The following CCDC92 variants were observed in gnomAD, a reference collection of about 807,000 sequenced individuals.
CCDC92 encodes the protein coiled-coil domain containing 92.
In CCDC92, 12 loss-of-function variants were observed where a neutral mutation model predicts 24.9. That is an observed-to-expected ratio of 0.48 (90% CI 0.31 to 0.78). The LOEUF is 0.78. Ranked by LOEUF, CCDC92 falls within the 30% of genes least tolerant of loss-of-function variation. The pLI, the probability that CCDC92 is intolerant of heterozygous loss-of-function variation, is 0.05. For synonymous variants in CCDC92, 193 were observed against 196.3 expected (o/e 0.98, Z 0.14); for missense variants, 399 against 439.4 (o/e 0.91, Z 0.82).
chr12:123,968,508 C>T (rs895964584), intron 1 of CCDC92: 1 of 152,058 alleles, frequency 6.6e-6, no homozygotes, highest in Non-Finnish European at 1.5e-5. Context: ...AAAAAATAAA[C>T]ACTTTTAAAG....
intron 1 of CCDC92, among the ~76,000 whole-genome samples, chr12:123,950,330 A>T (rs565598144): frequency 6.6e-6 from 1 of 152,302 alleles, no homozygotes; most frequent in South Asian, 2.1e-4. Context: ...GCACAGGGCC[A>T]GGCCGTCAGA....
rs1423573883 is a variant in CCDC92 at position 123,937,663 on chromosome 12, G to A, written c.391C>T (p.Leu131=). ...NTIKEREKKY[L]EELKAKSHKL... is the part of the protein sequence containing the mutation. ...TGACTCTTGGCCTTCAGCTCCTCCAGGTACTTCTTCTCTCGCTCCTTGATG... is the reference window on the plus strand; with the variant it reads ...TGACTCTTGGCCTTCAGCTCCTCCAAGTACTTCTTCTCTCGCTCCTTGATG... The change falls in exon 5 of 5, where the codon CTG becomes TTG. Residue 131 remains leucine (L), a synonymous_variant. Transcript: ENST00000238156. The surrounding 1 kb of genome is among the most constrained non-coding windows in gnomAD (Gnocchi z 8.4). 1.9e-6 allele frequency: 3 copies of A among 1,613,914 alleles called. No individual in the cohort carries two copies. The highest frequency in any genetic ancestry group is 2.5e-6 in the Non-Finnish European group (3 of 1,180,048).
At chr12:123,951,155 C>T (rs1011022740) in intron 1 of CCDC92, among the ~76,000 whole-genome samples, 8 of 152,224 alleles carry the variant, frequency 5.3e-5, no homozygotes, top group African/African-American at 1.4e-4. Flanking sequence ...GCATTACATA[C>T]GTGCTGCAGA....
rs1566140446 is a variant in CCDC92, at chr12:123,937,287, T to G, written c.767A>C (p.His256Pro). The stretch of plus-strand genomic sequence containing the variant: ...GACGAGGGGCCTCTCTTTGATGAGG[T>G]GGACCTCGGCGGACTCCCTAGCCAG... ...FLLARESAEV[H>P]LIKERPLVIP... Residue 256 changes from histidine (H) to proline (P), a missense_variant, in exon 5 of 5, where the codon CAC becomes CCC. By Grantham distance (77) the His-to-Pro change is moderately conservative. Transcript: ENST00000238156. The surrounding 1 kb of genome is among the most constrained non-coding windows in gnomAD (Gnocchi z 8.4). The G allele has an allele frequency of 6.2e-7, 1 of 1,612,842 alleles. No individual in the cohort carries two copies. The highest frequency in any genetic ancestry group is 8.5e-7 in the Non-Finnish European group (1 of 1,179,982).
At chr12:123,952,111 G>C (rs1956040227) in intron 1 of CCDC92, among the ~76,000 whole-genome samples, 1 of 152,160 alleles carries the variant, frequency 6.6e-6, no homozygotes, top group Admixed American at 6.5e-5. Context: ...AGTGCTAAAA[G>C]CAACCAGGAC....
At chr12:123,969,237 T>A (rs2138229911) in intron 1 of CCDC92, among the ~76,000 whole-genome samples, 1 of 152,306 alleles carries the variant, frequency 6.6e-6, no homozygotes, top group East Asian at 1.9e-4. Context: ...CCCCTAAGCT[T>A]TTCGGCTTGC....
intron 1 of CCDC92, chr12:123,961,336 G>A (rs1956267693): frequency 6.6e-6 from 1 of 152,226 alleles, no homozygotes; most frequent in East Asian, 1.9e-4. Flanking sequence ...GAGTGAAAAA[G>A]GTTTTACTCT....
chr12:123,961,717 G>T (rs1168054300), intron 1 of CCDC92, among the ~76,000 whole-genome samples: 1 of 152,208 alleles, frequency 6.6e-6, no homozygotes, highest in South Asian at 2.1e-4. Context: ...CAGAGGAGAA[G>T]AATCAACATG....
Position 123,936,964 on chromosome 12 carries a change from T to G in CCDC92, c.*94A>C, listed in dbSNP as rs894928191. 5 of 1,410,520 alleles carry G rather than the reference T, an allele frequency of 3.5e-6. No individual in the cohort carries two copies. Among genetic ancestry groups the G allele is most frequent in the Non-Finnish European group, 4.9e-6 (5 of 1,022,290 alleles). The allele number at this position is 1,410,520 out of a possible 1,614,324, so 87.4% of individuals were successfully genotyped here. ...ATGGGTCGGTAGGTGTGAAAAGTGT[T>G]TGGCATGCATGGGATTAAACAGAAA... On this transcript the variant is annotated 3_prime_UTR_variant, in exon 5 of 5. Transcript: ENST00000238156.
chr12:123,964,466 AG>A (rs1282618800), intron 1 of CCDC92, among the ~76,000 whole-genome samples: 4 of 152,224 alleles, frequency 2.6e-5, no homozygotes, highest in African/African-American at 9.6e-5. Flanking sequence ...AGCATCTTTA[AG>A]CAGCTTTGAG....
rs368325953 is a variant in CCDC92, at chr12:123,937,122, G to A, written c.932C>T (p.Ala311Val). The A allele has an allele frequency of 1.1e-5, 18 of 1,613,352 alleles. No homozygotes were observed. The highest frequency in any genetic ancestry group is 1.4e-5 in the Non-Finnish European group (17 of 1,180,026). The stretch of plus-strand genomic sequence containing the variant: ...CTTGCCTCCGTTCACCTGGTCGACC[G>A]CCAGGGTCTTCACCTCGGGCTGGGC... The part of the protein sequence containing the change: ...PQAQPEVKTL[A>V]VDQVNGGKVV... The change falls in exon 5 of 5, where the codon GCG becomes GTG. Residue 311 changes from alanine to valine, a missense_variant. By Grantham distance (64) the Ala-to-Val change is moderately conservative. Transcript: ENST00000238156. This position sits in a 1 kb window ranked among gnomAD's most constrained non-coding sequence, Gnocchi z 8.4.
chr12:123,960,107 T>G (rs1332443857), intron 1 of CCDC92, among the ~76,000 whole-genome samples: 1 of 152,256 alleles, frequency 6.6e-6, no homozygotes, highest in Non-Finnish European at 1.5e-5. Context: ...CTTACTAGCA[T>G]GTAAACTCCA....
chr12:123,970,916 A>G (rs1415699575), intron 1 of CCDC92, among the ~76,000 whole-genome samples: 2 of 152,254 alleles, frequency 1.3e-5, no homozygotes, highest in Admixed American at 6.5e-5. Flanking sequence ...GTTGAGATCA[A>G]TTTATCCAAA....
intron 1 of CCDC92, among the ~76,000 whole-genome samples, chr12:123,965,533 C>T (rs1956372800): frequency 6.6e-6 from 1 of 152,188 alleles, no homozygotes; most frequent in South Asian, 2.1e-4. Context: ...CCTCATGTAA[C>T]CCATGTTGGG....
intron 1 of CCDC92, among the ~76,000 whole-genome samples, chr12:123,949,033 A>G (rs1055944525): frequency 1.3e-5 from 2 of 152,194 alleles, no homozygotes; most frequent in African/African-American, 4.8e-5. Context: ...GTTGGTCCCA[A>G]GAGGCTTAAT....
At chr12:123,971,008 T>C (rs1008593499) in intron 1 of CCDC92, among the ~76,000 whole-genome samples, 1 of 152,206 alleles carries the variant, frequency 6.6e-6, no homozygotes, top group Non-Finnish European at 1.5e-5. Context: ...AAACCCAAGA[T>C]GAATGATTCG....
chr12:123,945,573 G>A (rs1023377290), intron 1 of CCDC92: 10 of 152,260 alleles, frequency 6.6e-5, no homozygotes, highest in African/African-American at 2.4e-4. Context: ...ACGCTTGAAA[G>A]CGGAACAGCC....
At chr12:123,961,879 C>T (rs754859426) in intron 1 of CCDC92, among the ~76,000 whole-genome samples, 3 of 152,192 alleles carry the variant, frequency 2.0e-5, no homozygotes, top group Non-Finnish European at 4.4e-5. Context: ...TAGTAAGTGG[C>T]AGAGGTGGGG....
In CCDC92 at chr12:123,966,136, G is replaced by A. The variant is rs559506608; in HGVS notation, c.-60+6393C>T. On this transcript the variant is annotated intron_variant, in intron 1 of 4. Coordinates refer to ENST00000238156, the MANE Select transcript of CCDC92 (RefSeq NM_025140.3). ...TTAAGTGTGTCTATTTGTAACAGGA[G>A]TCCATCATTTCCAGATTGGATTGTA... is the stretch of plus-strand genomic sequence containing the variant. 3.3e-5 allele frequency: 5 copies of A among 152,264 alleles called. No individual in the cohort carries two copies. In the East Asian group the frequency reaches 9.6e-4, roughly 29 times the overall value. 9.4% of individuals were successfully genotyped at this position (152,264 alleles called of 1,614,324 possible). A position where few individuals can be genotyped will look rare whatever the true frequency, so the allele number is the denominator to read the frequency against.
Sources: allele counts gnomAD v4.1 joint callset (sites outside exome capture counted in the v4.1 genomes callset), GRCh38; gene constraint gnomAD v4.1.1; non-coding constraint Gnocchi (gnomAD v3.1); transcripts MANE v1.5; gene names NCBI Gene and HGNC (gene_info 2026-07-23, HGNC 2026-07-21).